The following CFAP70 variants were observed in gnomAD, a reference collection of about 807,000 sequenced individuals.
The protein encoded by CFAP70 is cilia and flagella associated protein 70.
A neutral mutation model predicts 137.6 loss-of-function variants in CFAP70; 81 were observed. That is an observed-to-expected ratio of 0.59 (90% CI 0.49 to 0.71). The LOEUF (loss-of-function observed/expected upper bound fraction) is 0.71. Ranked by LOEUF, CFAP70 falls within the 30% of genes least tolerant of loss-of-function variation. The pLI is 0.00. For missense variants in CFAP70, 976 were observed against 1,226.7 expected (o/e 0.80, Z 3.05); for synonymous variants, 382 against 423.6 (o/e 0.90, Z 1.20).
At chr10:73,332,695 CA>C in intron 7 of CFAP70, among the ~76,000 whole-genome samples, 1 of 152,226 alleles carries the variant, frequency 6.6e-6, no homozygotes, top group Non-Finnish European at 1.5e-5. Context: ...TGGGCAAATC[CA>C]AAGACAACAG....
intron 16 of CFAP70, among the ~76,000 whole-genome samples, chr10:73,292,631 T>A (rs1285941489): frequency 6.6e-6 from 1 of 152,184 alleles, no homozygotes. Flanking sequence ...CATTTGTAAG[T>A]ATATAGCCAA....
chr10:73,282,484 G>T (rs769688075), intron 19 of CFAP70, among the ~76,000 whole-genome samples: 2 of 152,134 alleles, frequency 1.3e-5, no homozygotes. Flanking sequence ...ACAACAGTCT[G>T]CTGCCAAAAG....
At chr10:73,361,133 T>G (rs1341189167), upstream of CFAP70, among the ~76,000 whole-genome samples, 1 of 151,582 alleles carries the variant, frequency 6.6e-6, no homozygotes, top group Non-Finnish European at 1.5e-5. Context: ...GGAGTAGATG[T>G]GATTACAGGC....
intron 12 of CFAP70, 108 bp downstream of exon 13, chr10:73,310,050 G>A: frequency 1.6e-6 from 1 of 632,778 alleles, no homozygotes; most frequent in Non-Finnish European, 2.6e-6. Flanking sequence ...AAAAAAACCA[G>A]ATAACTCCTG....
intron 25 of CFAP70, among the ~76,000 whole-genome samples, chr10:73,262,007 T>C (rs920515550): frequency 1.4e-5 from 2 of 139,292 alleles, no homozygotes; most frequent in Non-Finnish European, 3.2e-5. Context: ...TGTATACATA[T>C]GTATATATGT....
exon 11 of CFAP70, chr10:73,311,874 A>G (rs1243179066): frequency 6.2e-7 from 1 of 1,614,074 alleles, no homozygotes; most frequent in South Asian, 1.1e-5. Flanking sequence ...TTCACCTTCC[A>G]AAGGAGTATC....
At chr10:73,336,546 C>G (rs1023300590) in intron 6 of CFAP70, among the ~76,000 whole-genome samples, 2 of 149,796 alleles carry the variant, frequency 1.3e-5, no homozygotes, top group African/African-American at 4.9e-5. Flanking sequence ...TCAGCTCATT[C>G]GAGAAACATT....
chr10:73,318,791 G>A (rs977571611), intron 9 of CFAP70, among the ~76,000 whole-genome samples: 123 of 152,164 alleles, frequency 8.1e-4, no homozygotes, highest in African/African-American at 2.7e-3. Context: ...CATATAGAAA[G>A]GTTTGGATAC....
At chr10:73,316,764 T>C (rs2050424669) in intron 9 of CFAP70, among the ~76,000 whole-genome samples, 1 of 151,994 alleles carries the variant, frequency 6.6e-6, no homozygotes, top group South Asian at 2.1e-4. Context: ...ATCTATATGT[T>C]AACCCAACAG....
Position 73,302,379 on chromosome 10 carries a change from T to A in CFAP70, c.1257-2714A>T, listed in dbSNP as rs186559979. Among the ~76,000 whole-genome samples, 427 of 152,306 alleles carry A rather than the reference T, an allele frequency of 2.8e-3. 4 individuals carry two copies. Among genetic ancestry groups the A allele is most frequent in the African/African-American group, 0.01 (418 of 41,560 alleles). On this transcript the variant is annotated intron_variant, in intron 12 of 26. Transcript: ENST00000310715. ...GGAGGGTTGAGTAGTTAAATGCTGA[T>A]GACAGGTCAAAATGACCCCAAGAAC... is the stretch of plus-strand genomic sequence containing the variant.
At chr10:73,261,970 T>TTA (rs1314361295) in intron 25 of CFAP70, among the ~76,000 whole-genome samples, 1 of 147,298 alleles carries the variant, frequency 6.8e-6, no homozygotes, top group Non-Finnish European at 1.5e-5. Context: ...TGTATACATA[T>TTA]TATATATATG....
At chr10:73,320,450 A>G (rs971135697) in intron 9 of CFAP70, among the ~76,000 whole-genome samples, 1 of 151,966 alleles carries the variant, frequency 6.6e-6, no homozygotes, top group Non-Finnish European at 1.5e-5. Context: ...CAGCCTCTGG[A>G]GTAGCTGGGA....
chr10:73,272,270 G>C (rs913920840), intron 24 of CFAP70, among the ~76,000 whole-genome samples: 4 of 152,144 alleles, frequency 2.6e-5, no homozygotes, highest in Admixed American at 6.6e-5. Flanking sequence ...AGGAGGCAGA[G>C]GTTGCAGTGA....
intron 8 of CFAP70, among the ~76,000 whole-genome samples, chr10:73,327,834 A>C (rs972530314): frequency 5.9e-5 from 9 of 152,284 alleles, no homozygotes; most frequent in African/African-American, 2.2e-4. Context: ...CAACAAAATA[A>C]AAGAGGATAC....
At chr10:73,319,039 A>C (rs2050635007) in intron 9 of CFAP70, among the ~76,000 whole-genome samples, 1 of 152,238 alleles carries the variant, frequency 6.6e-6, no homozygotes, top group African/African-American at 2.4e-5. Context: ...AAGTTCCTTC[A>C]AGAGAAATTC....
intron 19 of CFAP70, among the ~76,000 whole-genome samples, chr10:73,287,749 C>T (rs984222590): frequency 5.3e-5 from 8 of 151,978 alleles, no homozygotes; most frequent in African/African-American, 9.7e-5. Flanking sequence ...GAAGAGTTAC[C>T]CATCAGGCCT....
intron 9 of CFAP70, among the ~76,000 whole-genome samples, chr10:73,318,149 C>T (rs994527050): frequency 6.6e-6 from 1 of 152,106 alleles, no homozygotes; most frequent in Non-Finnish European, 1.5e-5. Context: ...CAGAGCAGCC[C>T]CAGACACGAA....
chr10:73,318,465 T>C (rs1369642520), intron 9 of CFAP70, among the ~76,000 whole-genome samples: 1 of 152,244 alleles, frequency 6.6e-6, no homozygotes, highest in Non-Finnish European at 1.5e-5. Context: ...TAATTTTTAA[T>C]ATATGAACAA....
chr10:73,290,685 G>A (rs555023784), intron 19 of CFAP70, among the ~76,000 whole-genome samples: 1 of 152,106 alleles, frequency 6.6e-6, no homozygotes, highest in South Asian at 2.1e-4. Context: ...GAACAGCAGG[G>A]GAAAGGGAGT....
Sources: gnomAD v4.1 joint callset for allele counts (sites outside exome capture counted in the v4.1 genomes callset) on GRCh38, gnomAD v4.1.1 for gene constraint, MANE v1.5 for transcripts, NCBI Gene and HGNC (gene_info 2026-07-23, HGNC 2026-07-21) for gene names.